The following GALNTL6 variants were observed in gnomAD, a reference collection of about 807,000 sequenced individuals.
GALNTL6 encodes the protein polypeptide N-acetylgalactosaminyltransferase like 6.
GALNTL6 carries 46 observed loss-of-function variants against 73.7 expected under a neutral mutation model. That is an observed-to-expected ratio of 0.62 (90% CI 0.49 to 0.80). The LOEUF (loss-of-function observed/expected upper bound fraction) is 0.80, where lower values mean the gene tolerates loss of function less well. GALNTL6 is among the 30% of genes least tolerant of loss of function. GALNTL6 has a pLI of 0.00. For synonymous variants in GALNTL6, 259 were observed against 263.7 expected, an observed-to-expected ratio of 0.98 and a Z score of 0.17; for missense variants, 604 against 755.0, an observed-to-expected ratio of 0.80 and a Z score of 2.34.
intron 2 of GALNTL6, among the ~76,000 whole-genome samples, chr4:171,903,828 C>A (rs1737186891): frequency 6.6e-6 from 1 of 152,050 alleles, no homozygotes. Context: ...TCAAGTGGGT[C>A]CCTGACCCCT....
At chr4:172,558,155 A>C (rs2110917834) in intron 5 of GALNTL6, among the ~76,000 whole-genome samples, 1 of 152,340 alleles carries the variant, frequency 6.6e-6, no homozygotes, top group Admixed American at 6.5e-5. Context: ...AAGGTCCAGA[A>C]CAGGCAAGAA....
intron 2 of GALNTL6, among the ~76,000 whole-genome samples, chr4:172,007,487 T>G (rs1740876139): frequency 6.6e-6 from 1 of 152,076 alleles, no homozygotes; most frequent in Admixed American, 6.6e-5. Flanking sequence ...TTAACTTCAA[T>G]ATATGAAATC....
intron 3 of GALNTL6, among the ~76,000 whole-genome samples, chr4:172,252,369 A>G (rs148470844): frequency 8.3e-4 from 126 of 152,260 alleles, no homozygotes; most frequent in African/African-American, 2.9e-3. Flanking sequence ...GAGAGAATGC[A>G]TATACCGTTC....
In GALNTL6 at chr4:172,688,144, G is replaced by T. The variant is rs1019567863; in HGVS notation, c.554-121217G>T. Among the ~76,000 whole-genome samples the T allele has an allele frequency of 2.6e-5, 4 of 152,144 alleles. No individual in the cohort carries two copies. In the East Asian group the frequency reaches 7.7e-4, roughly 29 times the overall value. The stretch of plus-strand genomic sequence containing the variant: ...AATATGACTGCTGTAGTCCACCAAA[G>T]TGGAAAAAACTCATAAATAATGCAC... On this transcript the variant is annotated intron_variant, in intron 5 of 12. Coordinates refer to ENST00000506823, the MANE Select transcript of GALNTL6 (RefSeq NM_001034845.3).
chr4:172,957,368 T>C (rs1749799949), intron 10 of GALNTL6, among the ~76,000 whole-genome samples: 1 of 152,112 alleles, frequency 6.6e-6, no homozygotes, highest in South Asian at 2.1e-4. Context: ...GAAGGAGATA[T>C]TTTCCTCGGT....
At chr4:172,697,497 C>A (rs1733767053) in intron 5 of GALNTL6, among the ~76,000 whole-genome samples, 2 of 152,074 alleles carry the variant, frequency 1.3e-5, no homozygotes, top group South Asian at 4.1e-4. Context: ...GTTTAACTTA[C>A]AATTATAAAT....
At chr4:173,030,321 G>A (rs991552442) in intron 12 of GALNTL6, among the ~76,000 whole-genome samples, 3 of 152,140 alleles carry the variant, frequency 2.0e-5, no homozygotes, top group Admixed American at 1.3e-4. Flanking sequence ...GTTTTTAGCT[G>A]TATGTCTAAC....
At chr4:172,179,363 T>C (rs1388636311) in intron 2 of GALNTL6, among the ~76,000 whole-genome samples, 1 of 146,034 alleles carries the variant, frequency 6.8e-6, no homozygotes. Context: ...TGGTGTGAGA[T>C]GGTATCTCAT....
At chr4:172,222,593 G>A (rs1472485794) in intron 2 of GALNTL6, among the ~76,000 whole-genome samples, 1 of 151,704 alleles carries the variant, frequency 6.6e-6, no homozygotes, top group East Asian at 1.9e-4. Context: ...TGCCAGAACT[G>A]ACTCTGTCTC....
At chr4:172,993,029 T>C (rs1751608576) in intron 10 of GALNTL6, among the ~76,000 whole-genome samples, 1 of 152,194 alleles carries the variant, frequency 6.6e-6, no homozygotes, top group Non-Finnish European at 1.5e-5. Context: ...GACATAATTT[T>C]CCTATGTCAG....
At position 172,713,164 on chromosome 4, in the gene GALNTL6, G is replaced by A. The variant is rs1313965839; in HGVS notation, c.554-96197G>A. On this transcript the variant is annotated intron_variant, in intron 5 of 12. Coordinates refer to ENST00000506823, the MANE Select transcript of GALNTL6 (RefSeq NM_001034845.3). ...AAGAAATTTAATACTGTTACGTGCTGTATCGGTCACTCTTCTCCAGAAAAA... is the reference window on the plus strand; with the variant it reads ...AAGAAATTTAATACTGTTACGTGCTATATCGGTCACTCTTCTCCAGAAAAA... Among the ~76,000 whole-genome samples the A allele has an allele frequency of 2.0e-5, 3 of 151,302 alleles. No individual in the cohort carries two copies. The East Asian group carries it at 5.8e-4, about 29-fold the overall frequency.
intron 2 of GALNTL6, among the ~76,000 whole-genome samples, chr4:172,080,694 T>C (rs1241989726): frequency 6.6e-6 from 1 of 151,750 alleles, no homozygotes; most frequent in Non-Finnish European, 1.5e-5. Context: ...ACAGTTTGGG[T>C]CTGATTTTGA....
At chr4:172,328,268 G>A (rs949475756) in intron 4 of GALNTL6, among the ~76,000 whole-genome samples, 3 of 152,204 alleles carry the variant, frequency 2.0e-5, no homozygotes, top group Non-Finnish European at 4.4e-5. Context: ...CTGTTAACCT[G>A]ATGGGGTTCC....
chr4:172,961,082 G>A, intron 10 of GALNTL6, among the ~76,000 whole-genome samples: 1 of 56,094 alleles, frequency 1.8e-5, no homozygotes, highest in Admixed American at 2.1e-4. Flanking sequence ...TGCCCTCCAG[G>A]AAAGTGGAGA....
At chr4:172,902,222 CAA>C (rs1364376366) in intron 8 of GALNTL6, among the ~76,000 whole-genome samples, 1 of 152,066 alleles carries the variant, frequency 6.6e-6, no homozygotes, top group Non-Finnish European at 1.5e-5. Flanking sequence ...AAAACCACCA[CAA>C]GTCTCTAATT....
chr4:172,259,001 G>A (rs887353216), intron 3 of GALNTL6, among the ~76,000 whole-genome samples: 1 of 151,140 alleles, frequency 6.6e-6, no homozygotes, highest in Non-Finnish European at 1.5e-5. Context: ...GTTGGTTGAT[G>A]GGCATTTAAA....
At chr4:172,238,769 T>C (rs1737324313) in intron 3 of GALNTL6, among the ~76,000 whole-genome samples, 1 of 152,138 alleles carries the variant, frequency 6.6e-6, no homozygotes, top group Admixed American at 6.5e-5. Flanking sequence ...TTTTGAGGTA[T>C]GTCCTTTAGA....
At chr4:172,857,151 C>T (rs1413177833) in intron 7 of GALNTL6, among the ~76,000 whole-genome samples, 1 of 152,232 alleles carries the variant, frequency 6.6e-6, no homozygotes, top group East Asian at 1.9e-4. Flanking sequence ...CATGTAATTG[C>T]ATTGGACTTC....
At chr4:172,030,375 T>C (rs1194885059) in intron 2 of GALNTL6, among the ~76,000 whole-genome samples, 1 of 152,056 alleles carries the variant, frequency 6.6e-6, no homozygotes, top group Non-Finnish European at 1.5e-5. Flanking sequence ...GTACCTAGTA[T>C]CCTTCTTGGC....
Sources: allele counts gnomAD v4.1 joint callset (sites outside exome capture counted in the v4.1 genomes callset), GRCh38; gene constraint gnomAD v4.1.1; transcripts MANE v1.5; gene names NCBI Gene and HGNC (gene_info 2026-07-23, HGNC 2026-07-21).